The following ART4 variants were observed in gnomAD, a reference collection of about 807,000 sequenced individuals.
The protein encoded by ART4 is ADP-ribosyltransferase 4 (inactive) (Dombrock blood group).
In ART4, 14 loss-of-function variants were observed where a neutral mutation model predicts 24.2. The observed-to-expected ratio is 0.58, with a 90% CI of 0.38 to 0.90. The LOEUF is 0.90. ART4 is among the 40% of genes least tolerant of loss of function. The pLI, the probability that ART4 is intolerant of heterozygous loss-of-function variation, is 0.00. For missense variants in ART4, 356 were observed against 366.6 expected (o/e 0.97, Z 0.24); for synonymous variants, 145 against 139.9 (o/e 1.04, Z -0.26).
At chr12:14,831,293 T>C (rs1445731101) in intron 2 of ART4, among the ~76,000 whole-genome samples, 2 of 144,294 alleles carry the variant, frequency 1.4e-5, no homozygotes, top group Non-Finnish European at 3.0e-5. Context: ...TTTTTTGAGA[T>C]GGGTCTTGCT....
At position 14,843,068 on chromosome 12, in the gene ART4, T is replaced by A; in HGVS notation, c.46A>T (p.Thr16Ser). Residue 16 changes from threonine to serine, a missense_variant, in exon 1 of 3, where the codon ACT becomes TCT. Transcript: ENST00000228936. ...ATTCTCATCGTTGCAGGAGGTACAG[T>A]AGTTGGGAGAAGAATCTTCTTGCAT... ...NRCKKILLPT[T>S]VPPATMRIWL... 6.2e-7 allele frequency: 1 copy of A among 1,614,126 alleles called. No individual in the cohort carries two copies. The highest frequency in any genetic ancestry group is 1.3e-5 in the African/African-American group (1 of 75,040).
At chr12:14,836,310 C>T (rs747257876) in intron 2 of ART4, among the ~76,000 whole-genome samples, 1 of 151,976 alleles carries the variant, frequency 6.6e-6, no homozygotes, top group Non-Finnish European at 1.5e-5. Flanking sequence ...ACTATTCTTT[C>T]ACTTTGGGGC....
At chr12:14,830,569 GTGTGTGTGTAT>G (rs1312265906) in intron 2 of ART4, among the ~76,000 whole-genome samples, 1 of 138,570 alleles carries the variant, frequency 7.2e-6, no homozygotes, top group African/African-American at 2.7e-5. Flanking sequence ...GTGTGTGTGT[GTGTGTGTGTAT>G]ACAAGTAGAA....
intron 2 of ART4, among the ~76,000 whole-genome samples, chr12:14,838,291 A>G (rs1950443787): frequency 6.6e-6 from 1 of 152,134 alleles, no homozygotes; most frequent in South Asian, 2.1e-4. Flanking sequence ...AATGTGAGTA[A>G]TGGTTTATAT....
At chr12:14,830,417 C>A (rs935668608) in intron 2 of ART4, among the ~76,000 whole-genome samples, 2 of 151,138 alleles carry the variant, frequency 1.3e-5, no homozygotes, top group African/African-American at 4.9e-5. Context: ...AGATTCAACT[C>A]TAATTGCCTC....
Position 14,829,442 on chromosome 12 carries a change from G to A in ART4, c.874C>T (p.Pro292Ser). 6.2e-7 allele frequency: 1 copy of A among 1,607,942 alleles called. No individual in the cohort carries two copies. The highest frequency in any genetic ancestry group is 2.2e-5 in the East Asian group (1 of 44,562). ...LLKASSKKCIPDPIAIASLSF... is the reference protein window; with the variant it reads ...LLKASSKKCISDPIAIASLSF... ...AGAGATGCAATAGCTATAGGATCAG[G>A]GATGCATTTCTTGCTGGAAGCTGTA... The change falls in exon 3 of 3, where the codon CCT becomes TCT. Residue 292 changes from proline (P) to serine (S), a missense_variant. Pro to Ser is a moderately conservative substitution (Grantham distance 74, BLOSUM62 -1). Coordinates refer to ENST00000228936, the MANE Select transcript of ART4 (RefSeq NM_021071.4).
In ART4 at chr12:14,843,122, G is replaced by T. The variant is rs906870034; in HGVS notation, c.-9C>A. The T allele has an allele frequency of 6.2e-7, 1 of 1,613,884 alleles. No homozygotes were observed. ...TTGATCAATGGACCCATTTGCTTGT[G>T]TCACAAGTACTTCTCCTTTGCCCTT... is the stretch of plus-strand genomic sequence containing the variant. On this transcript the variant is annotated 5_prime_UTR_variant, in exon 1 of 3. Coordinates refer to ENST00000228936, the MANE Select transcript of ART4 (RefSeq NM_021071.4).
At position 14,830,689 on chromosome 12, in the gene ART4, A is replaced by G. The variant is rs1312962626; in HGVS notation, c.854-1227T>C. On this transcript the variant is annotated intron_variant, in intron 2 of 2. Transcript: ENST00000228936. ...TATATATATATATATATATATATAT[A>G]TATATATATACAGTAATTTCTGTCT... Among the ~76,000 whole-genome samples the G allele has an allele frequency of 1.7e-3, 193 of 115,208 alleles. 2 individuals carry two copies. The highest frequency in any genetic ancestry group is 4.1e-3 in the Middle Eastern group (1 of 244). The allele number at this position is 115,208 out of a possible 152,430, so 75.6% of individuals were successfully genotyped here. A position where few individuals can be genotyped will look rare whatever the true frequency, so the allele number is the denominator to read the frequency against.
intron 2 of ART4, among the ~76,000 whole-genome samples, chr12:14,834,758 C>A (rs1950418473): frequency 6.6e-6 from 1 of 152,136 alleles, no homozygotes; most frequent in African/African-American, 2.4e-5. Flanking sequence ...CATGAAGACA[C>A]CTGTTTCTAT....
rs1478713265 is a variant in ART4 at position 14,842,997 on chromosome 12, G to T, written c.117C>A (p.Gly39=). 1 of 1,613,526 alleles carries T rather than the reference G, an allele frequency of 6.2e-7. No individual in the cohort carries two copies. The highest frequency in any genetic ancestry group is 1.1e-5 in the South Asian group (1 of 90,960). The part of the protein sequence containing the change: ...GLLPFLLLLS[G]LQRPTEGSEV... ...CAGAACCCTCTGTGGGTCTCTGCAG[G>T]CCAGAGAGGAGCAGCAGGAATGGCA... The change falls in exon 1 of 3, where the codon GGC becomes GGA. Residue 39 remains glycine, a synonymous_variant. Transcript: ENST00000228936.
chr12:14,838,005 T>C (rs1950442443), intron 2 of ART4, among the ~76,000 whole-genome samples: 1 of 152,216 alleles, frequency 6.6e-6, no homozygotes, highest in African/African-American at 2.4e-5. Context: ...TCTCAAATAC[T>C]AGTTCCTCAA....
At chr12:14,831,476 GCT>G (rs1267572627) in intron 2 of ART4, among the ~76,000 whole-genome samples, 1 of 151,724 alleles carries the variant, frequency 6.6e-6, no homozygotes, top group Non-Finnish European at 1.5e-5. Context: ...CATTGCCCAG[GCT>G]GGTCTCGAAC....
At chr12:14,834,356 G>A (rs950381236) in intron 2 of ART4, among the ~76,000 whole-genome samples, 7 of 152,128 alleles carry the variant, frequency 4.6e-5, no homozygotes, top group African/African-American at 1.7e-4. Context: ...AGGCAAAATA[G>A]AAAGCTAATA....
Position 14,829,211 on chromosome 12 carries a change from G to T in ART4, c.*160C>A, listed in dbSNP as rs978780321. ...ATAAGGCAAAGGGGTACAAGGAAAG[G>T]CATAAGAGAATTAGCAAAGAGGAGG... On this transcript the variant is annotated 3_prime_UTR_variant, in exon 3 of 3. Coordinates refer to ENST00000228936, the MANE Select transcript of ART4 (RefSeq NM_021071.4). The T allele has an allele frequency of 1.2e-5, 6 of 507,756 alleles. No homozygotes were observed. Among genetic ancestry groups the T allele is most frequent in the Non-Finnish European group, 1.7e-5 (5 of 296,344 alleles). 31.5% of individuals were successfully genotyped at this position (507,756 alleles called of 1,614,324 possible). A position where few individuals can be genotyped will look rare whatever the true frequency, so the allele number is the denominator to read the frequency against.
chr12:14,834,700 G>A (rs1950417635), intron 2 of ART4, among the ~76,000 whole-genome samples: 1 of 152,138 alleles, frequency 6.6e-6, no homozygotes. Context: ...CAAGATTTAA[G>A]GGCAAATAAC....
intron 1 of ART4, 104 bp downstream of exon 1, chr12:14,842,866 G>T: frequency 7.5e-7 from 1 of 1,340,222 alleles, no homozygotes; most frequent in Non-Finnish European, 1.0e-6. Context: ...AATGAAACTA[G>T]ATTCTGAATG....
chr12:14,841,315 C>CA lies in ART4; in HGVS notation c.145-163dup, dbSNP rs1863049394. On this transcript the variant is annotated intron_variant, in intron 1 of 2. Coordinates refer to ENST00000228936, the MANE Select transcript of ART4 (RefSeq NM_021071.4). ...TACACTGTTCCAATCCTTACTGCAT[C>CA]AATGACCTGTGCTAGAGATTGAATT... is the stretch of plus-strand genomic sequence containing the variant. 4.7e-6 allele frequency: 3 copies of CA among 643,238 alleles called. No individual in the cohort carries two copies. The Admixed American group carries it at 9.8e-5, about 21-fold the overall frequency. 39.8% of individuals were successfully genotyped at this position (643,238 alleles called of 1,614,324 possible). A position where few individuals can be genotyped will look rare whatever the true frequency, so the allele number is the denominator to read the frequency against.
intron 2 of ART4, 116 bp downstream of exon 2, chr12:14,840,329 C>G (rs1459229863): frequency 2.4e-6 from 2 of 840,860 alleles, no homozygotes; most frequent in Non-Finnish European, 3.6e-6. Context: ...CCATCATTAC[C>G]GAAGGCTAGT....
At chr12:14,833,890 C>T (rs188918762) in intron 2 of ART4, among the ~76,000 whole-genome samples, 4 of 152,110 alleles carry the variant, frequency 2.6e-5, no homozygotes, top group Non-Finnish European at 5.9e-5. Context: ...ACTTAGCACC[C>T]GAAAATGAAA....
Sources: allele counts gnomAD v4.1 joint callset (sites outside exome capture counted in the v4.1 genomes callset), GRCh38; gene constraint gnomAD v4.1.1; transcripts MANE v1.5; gene names NCBI Gene and HGNC (gene_info 2026-07-23, HGNC 2026-07-21).